FHOD3: variants seen among roughly 807,000 people sequenced by gnomAD.
FHOD3 encodes formin homology 2 domain containing 3, also known as FH1/FH2 domain-containing protein 3.
A neutral mutation model predicts 173.0 loss-of-function variants in FHOD3; 90 were observed. The ratio of observed to expected loss-of-function variants is 0.52; its 90% CI spans 0.44 to 0.62. FHOD3 has a LOEUF of 0.62. Among genes scored for constraint, FHOD3 ranks in the 20% least tolerant of loss-of-function variants. FHOD3 has a pLI of 0.00. For synonymous variants in FHOD3, 828 were observed against 823.0 expected (o/e 1.01, Z -0.10); for missense variants, 1,945 against 2,034.7 (o/e 0.96, Z 0.85).
At chr18:36,364,024 A>G in intron 2 of FHOD3, among the ~76,000 whole-genome samples, 1 of 151,994 alleles carries the variant, frequency 6.6e-6, no homozygotes, top group East Asian at 1.9e-4. Context: ...ATTCCATGAT[A>G]CTCTTAGGAA....
At chr18:36,445,281 T>G (rs978078712) in intron 3 of FHOD3, among the ~76,000 whole-genome samples, 25 of 152,152 alleles carry the variant, frequency 1.6e-4, no homozygotes, top group African/African-American at 6.0e-4. Context: ...CTAGGGGACA[T>G]ATGAGCTGCT....
chr18:36,457,262 C>T (rs2052273089), intron 3 of FHOD3, among the ~76,000 whole-genome samples: 1 of 152,084 alleles, frequency 6.6e-6, no homozygotes, highest in African/African-American at 2.4e-5. Context: ...TGACTTAATG[C>T]TGGACTTGCG....
intron 5 of FHOD3, among the ~76,000 whole-genome samples, chr18:36,534,397 C>T (rs562528821): frequency 6.6e-6 from 1 of 152,322 alleles, no homozygotes; most frequent in South Asian, 2.1e-4. Flanking sequence ...AAGGGCTGTT[C>T]CTGCAGCTGG....
chr18:36,772,272 A>G (rs1007514938), intron 28 of FHOD3, among the ~76,000 whole-genome samples: 1 of 152,232 alleles, frequency 6.6e-6, no homozygotes, highest in African/African-American at 2.4e-5. Context: ...TTAAGAAGGG[A>G]GAAGTTAGAC....
chr18:36,590,943 T>C (rs9946415), intron 6 of FHOD3, among the ~76,000 whole-genome samples: 104,870 of 152,044 alleles, frequency 0.69, 36,547 homozygotes, highest in East Asian at 0.91. Context: ...CTAAGGGGCC[T>C]TGCTGAGACC....
At chr18:36,742,687 T>C (rs755069167) in intron 21 of FHOD3, 50 bp from the exon 22 acceptor site, 1 of 1,581,590 alleles carries the variant, frequency 6.3e-7, no homozygotes, top group South Asian at 1.2e-5. Context: ...AAGAACAAAG[T>C]AAACCCAAAT....
intron 3 of FHOD3, among the ~76,000 whole-genome samples, chr18:36,398,270 T>C (rs2048645122): frequency 6.6e-6 from 1 of 152,248 alleles, no homozygotes; most frequent in African/African-American, 2.4e-5. Flanking sequence ...ATTTGCACCA[T>C]ATCTTGGGAT....
chr18:36,688,359 A>C (rs1310402787), intron 16 of FHOD3, among the ~76,000 whole-genome samples: 1 of 152,260 alleles, frequency 6.6e-6, no homozygotes, highest in Non-Finnish European at 1.5e-5. Flanking sequence ...AGCTAAATAC[A>C]TCAGGACAGT....
intron 3 of FHOD3, among the ~76,000 whole-genome samples, chr18:36,443,123 C>T (rs1251456707): frequency 6.6e-6 from 1 of 152,168 alleles, no homozygotes; most frequent in Non-Finnish European, 1.5e-5. Context: ...ACTTTGATTA[C>T]TTGGGGTAGT....
At chr18:36,551,818 A>G (rs1422558718) in intron 5 of FHOD3, among the ~76,000 whole-genome samples, 1 of 152,094 alleles carries the variant, frequency 6.6e-6, no homozygotes, top group Non-Finnish European at 1.5e-5. Flanking sequence ...GATTTGTGGT[A>G]TTATTTCTGA....
At chr18:36,461,873 A>G (rs548503607) in intron 3 of FHOD3, among the ~76,000 whole-genome samples, 25 of 152,254 alleles carry the variant, frequency 1.6e-4, no homozygotes, top group African/African-American at 5.3e-4. Context: ...CCTATGCCTT[A>G]GTCATAGACC....
At chr18:36,304,260 G>A (rs935586493) in intron 1 of FHOD3, among the ~76,000 whole-genome samples, 3 of 152,182 alleles carry the variant, frequency 2.0e-5, no homozygotes, top group African/African-American at 7.2e-5. Context: ...GATACATACT[G>A]AAATTATATG....
chr18:36,734,601 C>A (rs2041541489), intron 20 of FHOD3, among the ~76,000 whole-genome samples: 1 of 152,096 alleles, frequency 6.6e-6, no homozygotes, highest in African/African-American at 2.4e-5. Context: ...CTATCTTGGG[C>A]CATTGATCTC....
chr18:36,573,411 C>A (rs1291896443), intron 5 of FHOD3, among the ~76,000 whole-genome samples: 1 of 150,110 alleles, frequency 6.7e-6, no homozygotes, highest in East Asian at 2.0e-4. Flanking sequence ...TTGAAACCAG[C>A]CTGGATAGCA....
rs1225605357 is a variant in FHOD3 at position 36,716,585 on chromosome 18, A to G, written c.2534-1247A>G. Among the ~76,000 whole-genome samples the G allele has an allele frequency of 1.3e-5, 2 of 152,196 alleles. 1 individual carries two copies. The highest frequency in any genetic ancestry group is 2.9e-5 in the Non-Finnish European group (2 of 68,032). The stretch of plus-strand genomic sequence containing the variant: ...GGAGAGAAGAGGTCCAAGGACATTT[A>G]AAGGTTAATGATAAGGAGGAAGCAG... On this transcript the variant is annotated intron_variant, in intron 18 of 28. Transcript: ENST00000590592.
chr18:36,543,667 T>C (rs893207838), intron 5 of FHOD3, among the ~76,000 whole-genome samples: 8 of 152,122 alleles, frequency 5.3e-5, no homozygotes, highest in Non-Finnish European at 1.2e-4. Context: ...GGATGTGAGG[T>C]AGAGGAGCAA....
intron 3 of FHOD3, among the ~76,000 whole-genome samples, chr18:36,429,800 C>A (rs1312599732): frequency 6.6e-6 from 1 of 152,060 alleles, no homozygotes; most frequent in Non-Finnish European, 1.5e-5. Flanking sequence ...CAGAAGATAG[C>A]ATGAAACTGC....
rs150059137 is a variant in FHOD3 at position 36,305,655 on chromosome 18, G to A, written c.165+7655G>A. ...ACTGCTTGATCAGAGCCAAAGAGTG[G>A]CTTGGGGTGTATAGCAAATGAATTG... On this transcript the variant is annotated intron_variant, in intron 1 of 28. Coordinates refer to ENST00000590592, the MANE Select transcript of FHOD3 (RefSeq NM_001281740.3). Among the ~76,000 whole-genome samples the A allele has an allele frequency of 1.7e-3, 256 of 152,274 alleles. 1 individual carries two copies. Among genetic ancestry groups the A allele is most frequent in the Middle Eastern group, 6.8e-3 (2 of 294 alleles).
At chr18:36,467,259 A>C (rs2052998105) in intron 3 of FHOD3, among the ~76,000 whole-genome samples, 1 of 152,138 alleles carries the variant, frequency 6.6e-6, no homozygotes, top group Non-Finnish European at 1.5e-5. Flanking sequence ...ACCTCCTAGT[A>C]ATTCTGACAG....
Sources: gnomAD v4.1 joint callset for allele counts (sites outside exome capture counted in the v4.1 genomes callset) on GRCh38, gnomAD v4.1.1 for gene constraint, MANE v1.5 for transcripts, NCBI Gene and HGNC (gene_info 2026-07-23, HGNC 2026-07-21) for gene names.